Variants in FADS3 observed in about 807,000 individuals in gnomAD.
FADS3 encodes the protein fatty acid desaturase 3.
A neutral mutation model predicts 60.4 loss-of-function variants in FADS3; 30 were observed. The ratio of observed to expected loss-of-function variants is 0.50; its 90% CI spans 0.37 to 0.67. FADS3 has a LOEUF of 0.67. Ranked by LOEUF, FADS3 falls within the 30% of genes least tolerant of loss-of-function variation. The pLI is 0.00. For missense variants in FADS3, 432 were observed against 598.3 expected (o/e 0.72, Z 2.90); for synonymous variants, 234 against 249.3 (o/e 0.94, Z 0.58).
chr11:61,878,237 G>A, intron 5 of FADS3, 22 bp from the exon 6 acceptor site: 1 of 1,613,142 alleles, frequency 6.2e-7, no homozygotes, highest in Non-Finnish European at 8.5e-7. Flanking sequence ...GGCGGCGGCT[G>A]GAGACAGCAG....
At chr11:61,875,580 G>A (rs2135989824) in intron 11 of FADS3, among the ~76,000 whole-genome samples, 1 of 152,276 alleles carries the variant, frequency 6.6e-6, no homozygotes, top group South Asian at 2.1e-4. Context: ...GTTTCCTTCT[G>A]AGAAACTGGA....
intron 1 of FADS3, among the ~76,000 whole-genome samples, chr11:61,886,563 C>T (rs1784505031): frequency 6.6e-6 from 1 of 152,130 alleles, no homozygotes; most frequent in Non-Finnish European, 1.5e-5. Flanking sequence ...CTCCTGTGGC[C>T]TCAGATCTGC....
intron 2 of FADS3, 101 bp from the exon 3 acceptor site, chr11:61,879,610 G>T: frequency 1.7e-6 from 2 of 1,178,172 alleles, no homozygotes; most frequent in Non-Finnish European, 2.4e-6. Flanking sequence ...CCCAAGGGGT[G>T]TGGGCAAAGA....
At chr11:61,879,256 TG>T in intron 3 of FADS3, 55 bp downstream of exon 3, 1 of 1,467,298 alleles carries the variant, frequency 6.8e-7, no homozygotes, top group Non-Finnish European at 9.3e-7. Context: ...CCCAGATGCA[TG>T]GGGGCCCACG....
At chr11:61,882,101 T>G (rs1452583973) in intron 1 of FADS3, 77 of 39,028 alleles carry the variant, frequency 2.0e-3, no homozygotes, top group African/African-American at 6.2e-3. Flanking sequence ...ACTGGGTGTT[T>G]TTTTTTTTTT....
rs1938067193 is a variant in FADS3, at chr11:61,879,966, A to G, written c.324+75T>C. On this transcript the variant is annotated intron_variant, in intron 2 of 11. Coordinates refer to ENST00000278829, the MANE Select transcript of FADS3 (RefSeq NM_021727.5). The stretch of plus-strand genomic sequence containing the variant: ...AATGCCGAGGGAGCTGCTCCTGGCC[A>G]TGTGGCAATGTCTCCCAGCCCTCCA... 3.2e-6 allele frequency: 4 copies of G among 1,251,986 alleles called. No individual in the cohort carries two copies. The African/African-American group carries it at 4.5e-5, about 14-fold the overall frequency. The allele number at this position is 1,251,986 out of a possible 1,614,324, so 77.6% of individuals were successfully genotyped here. A position where few individuals can be genotyped will look rare whatever the true frequency, so the allele number is the denominator to read the frequency against.
intron 1 of FADS3, chr11:61,882,114 T>A (rs1378262565): frequency 1.1e-4 from 15 of 133,040 alleles, no homozygotes. Context: ...TTTTTTTTTT[T>A]TTTTTTTTTT....
chr11:61,877,524 C>A lies in FADS3; in HGVS notation c.872G>T (p.Cys291Phe). ...AACCCCACTCACCGCCCACTGCATGCACACCAGCATGTACGCCAGATTTTC... is the reference window on the plus strand; with the variant it reads ...AACCCCACTCACCGCCCACTGCATGAACACCAGCATGTACGCCAGATTTTC... ...EVENLAYMLVCMQWADLLWAA... is the reference protein window; with the variant it reads ...EVENLAYMLVFMQWADLLWAA... The change falls in exon 7 of 12, where the codon TGC becomes TTC. Residue 291 changes from cysteine to phenylalanine, a missense_variant. Cys to Phe is a radical substitution (Grantham distance 205, BLOSUM62 -2). This residue lies in a region of FADS3 where 116 missense variants were observed against 208.9 expected (regional missense o/e 0.56). Transcript: ENST00000278829. The surrounding 1 kb of genome is among the most constrained non-coding windows in gnomAD (Gnocchi z 4.7). 1 of 1,613,564 alleles carries A rather than the reference C, an allele frequency of 6.2e-7. No homozygotes were observed. The highest frequency in any genetic ancestry group is 8.5e-7 in the Non-Finnish European group (1 of 1,180,002).
chr11:61,879,631 G>A (rs1938050168), intron 2 of FADS3, 122 bp from the exon 3 acceptor site: 3 of 970,814 alleles, frequency 3.1e-6, no homozygotes, highest in Admixed American at 2.2e-5. Context: ...GGAATGAAGT[G>A]ACAAGAGTAC....
In FADS3 at chr11:61,879,087, G is replaced by A. The variant is rs574208475; in HGVS notation, c.522+225C>T. ...TGGCTCAGTGGCCCTGTGCTTGATC[G>A]GAATCTGTTCAAGAAGGAACTTCTT... On this transcript the variant is annotated intron_variant, in intron 3 of 11. Transcript: ENST00000278829. Among the ~76,000 whole-genome samples, 308 of 152,314 alleles carry A rather than the reference G, an allele frequency of 2.0e-3. 2 individuals carry two copies. Among genetic ancestry groups the A allele is most frequent in the Non-Finnish European group, 3.5e-3 (239 of 68,016 alleles).
Position 61,875,876 on chromosome 11 carries a change from G to A in FADS3, c.1261C>T (p.Leu421Phe). Reference protein sequence around the residue: ...HGLSYEVKPFLTALVDIVRSL... With the variant: ...HGLSYEVKPFFTALVDIVRSL... ...CTGACGATGTCCACCAGCGCGGTGAGGAAGGGCTTCACTTCGTAGCTGAGG... is the reference window on the plus strand; with the variant it reads ...CTGACGATGTCCACCAGCGCGGTGAAGAAGGGCTTCACTTCGTAGCTGAGG... The change falls in exon 11 of 12, where the codon CTC becomes TTC. Residue 421 changes from leucine to phenylalanine, a missense_variant. Physicochemically the swap from Leu to Phe is conservative, Grantham distance 22. Transcript: ENST00000278829. The A allele has an allele frequency of 6.2e-7, 1 of 1,613,644 alleles. No individual in the cohort carries two copies. The highest frequency in any genetic ancestry group is 8.5e-7 in the Non-Finnish European group (1 of 1,179,926).
rs754160982 is a variant in FADS3 at position 61,873,785 on chromosome 11, G to A, written c.*29C>T. On this transcript the variant is annotated 3_prime_UTR_variant, in exon 12 of 12. Transcript: ENST00000278829. ...GCTGGCTTGGTTGCTGGTGCCCTGA[G>A]CCCTTCTCTGCCCGCCTGGGTGTTG... is the stretch of plus-strand genomic sequence containing the variant. 1 of 1,596,786 alleles carries A rather than the reference G, an allele frequency of 6.3e-7. No homozygotes were observed. Among genetic ancestry groups the A allele is most frequent in the African/African-American group, 1.3e-5 (1 of 74,508 alleles).
chr11:61,876,394 C>T lies in FADS3; in HGVS notation c.1045G>A (p.Gly349Ser), dbSNP rs144242985. ...TQMNHIPKEI[G>S]HEKHRDWVSS... ...ACCCAGTCCCGGTGCTTCTCGTGGCCGATCTCCTTGGGGATGTGGTTCATC... is the reference window on the plus strand; with the variant it reads ...ACCCAGTCCCGGTGCTTCTCGTGGCTGATCTCCTTGGGGATGTGGTTCATC... The change falls in exon 9 of 12, where the codon GGC becomes AGC. Residue 349 changes from glycine (G) to serine (S), a missense_variant. Coordinates refer to ENST00000278829, the MANE Select transcript of FADS3 (RefSeq NM_021727.5). This position sits in a 1 kb window ranked among gnomAD's most constrained non-coding sequence, Gnocchi z 5.7. The T allele has an allele frequency of 2.5e-5, 41 of 1,613,274 alleles. No homozygotes were observed. In the Admixed American group the frequency reaches 3.0e-4, roughly 12 times the overall value.
At chr11:61,885,719 G>A (rs1447649786) in intron 1 of FADS3, among the ~76,000 whole-genome samples, 4 of 152,170 alleles carry the variant, frequency 2.6e-5, no homozygotes, top group South Asian at 2.1e-4. Flanking sequence ...AGTCAGGAAG[G>A]GGGTGAAGCA....
At chr11:61,889,440 A>G (rs1938420861) in intron 1 of FADS3, among the ~76,000 whole-genome samples, 2 of 150,130 alleles carry the variant, frequency 1.3e-5, no homozygotes, top group African/African-American at 4.9e-5. Flanking sequence ...TCACGAGGTC[A>G]GGAGTTCGAG....
In FADS3 at chr11:61,877,896, A is replaced by G. The variant is rs1045883879; in HGVS notation, c.808+259T>C. 14 of 593,986 alleles carry G rather than the reference A, an allele frequency of 2.4e-5. No homozygotes were observed. The African/African-American group carries it at 2.4e-4, about 10-fold the overall frequency. 36.8% of individuals were successfully genotyped at this position (593,986 alleles called of 1,614,324 possible). ...TCTAGTGAGGGCAAGAAGAAATTCT[A>G]CGTGGGGCTTGGGGAAGCTCCCAGC... On this transcript the variant is annotated intron_variant, in intron 6 of 11. Coordinates refer to ENST00000278829, the MANE Select transcript of FADS3 (RefSeq NM_021727.5). The surrounding 1 kb of genome is among the most constrained non-coding windows in gnomAD (Gnocchi z 4.7).
At chr11:61,888,030 C>G (rs189600610) in intron 1 of FADS3, among the ~76,000 whole-genome samples, 87 of 152,356 alleles carry the variant, frequency 5.7e-4, no homozygotes, top group African/African-American at 2.0e-3. Flanking sequence ...ATAGTAGGCA[C>G]TCAGCACATG....
chr11:61,891,467 C>G lies in FADS3; in HGVS notation c.-86G>C. The G allele has an allele frequency of 1.1e-6, 1 of 943,486 alleles. No individual in the cohort carries two copies. Among genetic ancestry groups the G allele is most frequent in the South Asian group, 4.0e-5 (1 of 24,966 alleles). The allele number at this position is 943,486 out of a possible 1,614,324, so 58.4% of individuals were successfully genotyped here. ...GGAAGCGAAGAGCGCTCCCGGGCGC[C>G]GCCTCCGCCGCCGCCCGCTGCTCCG... On this transcript the variant is annotated 5_prime_UTR_variant, in exon 1 of 12. Transcript: ENST00000278829.
At chr11:61,886,242 T>G (rs1327158697) in intron 1 of FADS3, 3 of 152,248 alleles carry the variant, frequency 2.0e-5, no homozygotes, top group African/African-American at 7.2e-5. Context: ...CCTGGTCCTC[T>G]CTCCACCACT....
Sources: allele counts gnomAD v4.1 joint callset (sites outside exome capture counted in the v4.1 genomes callset), GRCh38; gene constraint gnomAD v4.1.1; regional missense constraint gnomAD v4.1.1; non-coding constraint Gnocchi (gnomAD v3.1); transcripts MANE v1.5; gene names NCBI Gene and HGNC (gene_info 2026-07-23, HGNC 2026-07-21).